The following GOLGA1 variants were observed in gnomAD, a reference collection of about 807,000 sequenced individuals.
The protein encoded by GOLGA1 is golgin subfamily A member 1.
In GOLGA1, 63 loss-of-function variants were observed where a neutral mutation model predicts 119.7. That is an observed-to-expected ratio of 0.53 (90% CI 0.43 to 0.65). The LOEUF (loss-of-function observed/expected upper bound fraction) is 0.65. GOLGA1 is among the 30% of genes least tolerant of loss of function. The pLI is 0.00. For missense variants in GOLGA1, 798 were observed against 912.8 expected, an observed-to-expected ratio of 0.87 and a Z score of 1.62; for synonymous variants, 318 against 333.4, an observed-to-expected ratio of 0.95 and a Z score of 0.50.
chr9:124,921,777 AAG>A lies in GOLGA1; in HGVS notation c.675_676del (p.Leu226LysfsTer31). On this transcript the variant is annotated frameshift_variant, in exon 9 of 23. Transcript: ENST00000373555. LOFTEE classifies it high-confidence loss of function. ...CTGCAATTCTTCTAGCTTCTGGCTT[AAG>A]TCTGATGACATCTGATTGGAGTTCA... 2 of 1,613,826 alleles carry A rather than the reference AAG, an allele frequency of 1.2e-6. No homozygotes were observed. The highest frequency in any genetic ancestry group is 1.7e-6 in the Non-Finnish European group (2 of 1,179,664).
Position 124,888,121 on chromosome 9 carries a change from G to T in GOLGA1, c.1905+132C>A. 1 of 787,182 alleles carries T rather than the reference G, an allele frequency of 1.3e-6. No individual in the cohort carries two copies. Among genetic ancestry groups the T allele is most frequent in the Non-Finnish European group, 2.2e-6 (1 of 457,250 alleles). The allele number at this position is 787,182 out of a possible 1,614,324, so 48.8% of individuals were successfully genotyped here. On this transcript the variant is annotated intron_variant, in intron 19 of 22. Coordinates refer to ENST00000373555, the MANE Select transcript of GOLGA1 (RefSeq NM_002077.4). The surrounding 1 kb of genome is among the most constrained non-coding windows in gnomAD (Gnocchi z 4.4). ...CGGAAGATCAGGAGGAAGGCCTTTG[G>T]GTGAGAGGGGTCATGGTTGCCAGGA...
At chr9:124,896,593 C>T (rs1238402174) in intron 15 of GOLGA1, among the ~76,000 whole-genome samples, 1 of 152,190 alleles carries the variant, frequency 6.6e-6, no homozygotes, top group East Asian at 1.9e-4. Context: ...TCTTCACAGG[C>T]AGCCAGAGAA....
At chr9:124,904,371 C>T (rs1036281267) in intron 12 of GOLGA1, among the ~76,000 whole-genome samples, 6 of 151,944 alleles carry the variant, frequency 3.9e-5, no homozygotes, top group African/African-American at 1.4e-4. Flanking sequence ...GATGGTTGTA[C>T]GACAATGTAC....
At chr9:124,924,492 C>T (rs534298437) in intron 7 of GOLGA1, among the ~76,000 whole-genome samples, 13 of 151,758 alleles carry the variant, frequency 8.6e-5, no homozygotes, top group African/African-American at 3.1e-4. Flanking sequence ...ATTAGCCAGG[C>T]ATGGTGGCAT....
intron 12 of GOLGA1, among the ~76,000 whole-genome samples, chr9:124,903,771 C>A (rs1467052273): frequency 6.6e-6 from 1 of 152,046 alleles, no homozygotes; most frequent in Admixed American, 6.5e-5. Context: ...AAGGAATAGG[C>A]CAGGCACAGT....
Position 124,938,815 on chromosome 9 carries a change from C to T in GOLGA1, c.-104G>A. The stretch of plus-strand genomic sequence containing the variant: ...GCCTACAAAGTTTCAGACATCCAAG[C>T]TAGCTGCATTCCCACTTAAATGTGG... On this transcript the variant is annotated 5_prime_UTR_variant, in exon 3 of 23. Coordinates refer to ENST00000373555, the MANE Select transcript of GOLGA1 (RefSeq NM_002077.4). The T allele has an allele frequency of 1.1e-6, 1 of 896,088 alleles. No homozygotes were observed. Among genetic ancestry groups the T allele is most frequent in the Non-Finnish European group, 1.7e-6 (1 of 598,148 alleles). The allele number at this position is 896,088 out of a possible 1,614,324, so 55.5% of individuals were successfully genotyped here. A position where few individuals can be genotyped will look rare whatever the true frequency, so the allele number is the denominator to read the frequency against.
chr9:124,922,507 T>C (rs1207879781), intron 8 of GOLGA1, among the ~76,000 whole-genome samples: 3 of 135,730 alleles, frequency 2.2e-5, no homozygotes, highest in Non-Finnish European at 3.0e-5. Flanking sequence ...GCCATGATCA[T>C]GCCACTGCAC....
chr9:124,935,718 T>C (rs1397632704), intron 3 of GOLGA1, among the ~76,000 whole-genome samples: 1 of 149,036 alleles, frequency 6.7e-6, no homozygotes, highest in African/African-American at 2.5e-5. Context: ...GGAGAATTGC[T>C]TGAACCCAGG....
At chr9:124,912,811 G>A (rs932452868) in intron 10 of GOLGA1, among the ~76,000 whole-genome samples, 3 of 152,174 alleles carry the variant, frequency 2.0e-5, no homozygotes, top group African/African-American at 7.2e-5. Context: ...CAAAGTGCTA[G>A]GATTACAGGC....
chr9:124,943,224 T>A (rs995239941), upstream of GOLGA1: 2 of 152,208 alleles, frequency 1.3e-5, no homozygotes, highest in Admixed American at 6.5e-5. Flanking sequence ...ATTTTCCCCT[T>A]AGTCATTGGT....
chr9:124,900,683 T>A (rs1830085968), intron 12 of GOLGA1, 136 bp from the exon 13 acceptor site: 1 of 527,546 alleles, frequency 1.9e-6, no homozygotes, highest in East Asian at 3.2e-5. Flanking sequence ...AGATACTGCA[T>A]AAGTCTACCA....
rs1445182942 is a variant in GOLGA1, at chr9:124,880,492, G to T, written c.*38C>A. 1 of 1,139,106 alleles carries T rather than the reference G, an allele frequency of 8.8e-7. No individual in the cohort carries two copies. The allele number at this position is 1,139,106 out of a possible 1,614,324, so 70.6% of individuals were successfully genotyped here. Reference sequence around the variant, plus strand: ...TGTCAGTGTTCTTTTCACAGAAAAAGTGTCAACCCACGGAGCTCCATCCTT... The same window carrying T: ...TGTCAGTGTTCTTTTCACAGAAAAATTGTCAACCCACGGAGCTCCATCCTT... On this transcript the variant is annotated 3_prime_UTR_variant, in exon 23 of 23. Transcript: ENST00000373555.
At chr9:124,914,970 T>A (rs1473864638) in intron 10 of GOLGA1, among the ~76,000 whole-genome samples, 1 of 152,174 alleles carries the variant, frequency 6.6e-6, no homozygotes, top group Admixed American at 6.6e-5. Flanking sequence ...GCGATCTCCT[T>A]CTCCAGGCTG....
chr9:124,921,565 G>C (rs1830569661), intron 9 of GOLGA1, 158 bp downstream of exon 9: 1 of 690,162 alleles, frequency 1.4e-6, no homozygotes, highest in African/African-American at 1.8e-5. Context: ...TGGAGGTAGG[G>C]TGAGGCCTGA....
intron 15 of GOLGA1, among the ~76,000 whole-genome samples, chr9:124,893,894 T>C (rs1388477177): frequency 6.6e-6 from 1 of 152,228 alleles, no homozygotes; most frequent in Admixed American, 6.5e-5. Context: ...TCTCTTATTT[T>C]GGCCAGTTTT....
intron 3 of GOLGA1, among the ~76,000 whole-genome samples, chr9:124,933,766 T>C (rs1483688460): frequency 1.3e-5 from 2 of 152,078 alleles, no homozygotes; most frequent in African/African-American, 4.8e-5. Context: ...ACATGACCAG[T>C]CCCCAATAAA....
intron 10 of GOLGA1, among the ~76,000 whole-genome samples, chr9:124,913,093 G>A (rs150372311): frequency 5.3e-5 from 8 of 152,264 alleles, no homozygotes; most frequent in East Asian, 3.9e-4. Flanking sequence ...CATCTTACAC[G>A]GTGGCAGGAT....
At chr9:124,890,321 G>A (rs774901878) in intron 16 of GOLGA1, 68 bp downstream of exon 16, 49 of 1,062,806 alleles carry the variant, frequency 4.6e-5, no homozygotes, top group African/African-American at 1.6e-4. Flanking sequence ...ACAGTCTCAC[G>A]GCAGGATGGG....
intron 12 of GOLGA1, among the ~76,000 whole-genome samples, chr9:124,907,737 T>C (rs75337096): frequency 0.011 from 1,726 of 152,154 alleles, 89 homozygotes; most frequent in Admixed American, 0.083. Context: ...CAATGCAAAT[T>C]AAAGCAATGA....
Sources: gnomAD v4.1 joint callset for allele counts (sites outside exome capture counted in the v4.1 genomes callset) on GRCh38, gnomAD v4.1.1 for gene constraint, Gnocchi (gnomAD v3.1) non-coding constraint, MANE v1.5 for transcripts, NCBI Gene and HGNC (gene_info 2026-07-23, HGNC 2026-07-21) for gene names.